DPP10: variants seen among roughly 807,000 people sequenced by gnomAD.
The protein encoded by DPP10 is inactive dipeptidyl peptidase 10.
A neutral mutation model predicts 120.9 loss-of-function variants in DPP10; 33 were observed. The ratio of observed to expected loss-of-function variants is 0.27; its 90% CI spans 0.21 to 0.37. DPP10 has a LOEUF of 0.37. Ranked by LOEUF, DPP10 falls within the 10% of genes least tolerant of loss-of-function variation. The pLI is 1.00. For missense variants in DPP10, 816 were observed against 942.8 expected (o/e 0.87, Z 1.76); for synonymous variants, 337 against 326.1 (o/e 1.03, Z -0.36).
chr2:115,711,915 G>GTTTTTTTTTTT lies in DPP10; in HGVS notation c.577-15901_577-15900insTTTTTTTTTTT, dbSNP rs1491280011. 9.3e-5 allele frequency among the ~76,000 whole-genome samples: 9 copies of GTTTTTTTTTTT among 96,986 alleles called. 4 individuals carry two copies. Among genetic ancestry groups the GTTTTTTTTTTT allele is most frequent in the Non-Finnish European group, 1.4e-4 (7 of 50,822 alleles). 63.6% of individuals were successfully genotyped at this position (96,986 alleles called of 152,430 possible). ...GAATATTGGACCTATAAAATGGTCT[G>GTTTTTTTTTTT]GTTTTTTTTTTTTTTTTTTTTTTGG... On this transcript the variant is annotated intron_variant, in intron 7 of 25. Transcript: ENST00000410059.
intron 1 of DPP10, among the ~76,000 whole-genome samples, chr2:115,226,416 C>T (rs1395258250): frequency 2.0e-5 from 3 of 152,130 alleles, no homozygotes; most frequent in Non-Finnish European, 4.4e-5. Context: ...CATTCTTGGT[C>T]AGAAAAGTTG....
At chr2:115,208,160 C>T (rs2056276573) in intron 1 of DPP10, among the ~76,000 whole-genome samples, 1 of 151,188 alleles carries the variant, frequency 6.6e-6, no homozygotes, top group Non-Finnish European at 1.5e-5. Context: ...CAATCCACAT[C>T]TCTAAGGATA....
chr2:115,584,673 A>C (rs1469525177), intron 5 of DPP10, among the ~76,000 whole-genome samples: 1 of 152,168 alleles, frequency 6.6e-6, no homozygotes, highest in Non-Finnish European at 1.5e-5. Context: ...CTGTGTGGTG[A>C]CCAACAAATC....
At chr2:115,625,961 CTT>C (rs758283251) in intron 5 of DPP10, among the ~76,000 whole-genome samples, 1 of 151,236 alleles carries the variant, frequency 6.6e-6, no homozygotes, top group Non-Finnish European at 1.5e-5. Flanking sequence ...TTTTCTCTCT[CTT>C]GAGATATCTC....
chr2:115,080,388 T>G (rs1454444492), intron 1 of DPP10, among the ~76,000 whole-genome samples: 1 of 152,182 alleles, frequency 6.6e-6, no homozygotes, highest in East Asian at 1.9e-4. Flanking sequence ...ATTTCTTCCT[T>G]GTAAGCTTGG....
intron 1 of DPP10, among the ~76,000 whole-genome samples, chr2:114,612,031 T>C (rs1693320314): frequency 6.6e-6 from 1 of 152,224 alleles, no homozygotes; most frequent in Non-Finnish European, 1.5e-5. Flanking sequence ...TCTGTTTCTC[T>C]GAAGTTGCAA....
At chr2:115,156,961 T>A (rs933462405) in intron 1 of DPP10, among the ~76,000 whole-genome samples, 3 of 152,154 alleles carry the variant, frequency 2.0e-5, no homozygotes, top group African/African-American at 4.8e-5. Context: ...TTTTTTCTTT[T>A]TTACTGTGCC....
chr2:115,697,280 C>T (rs1384517614), intron 7 of DPP10, among the ~76,000 whole-genome samples: 1 of 151,638 alleles, frequency 6.6e-6, no homozygotes, highest in Non-Finnish European at 1.5e-5. Flanking sequence ...TTAAAAGAAA[C>T]TAAGAAGATA....
At chr2:115,251,267 C>G (rs762921268) in intron 1 of DPP10, among the ~76,000 whole-genome samples, 26 of 152,130 alleles carry the variant, frequency 1.7e-4, no homozygotes, top group Non-Finnish European at 2.9e-4. Context: ...GTTTGATTGG[C>G]CTAGTTTTAT....
chr2:115,409,432 T>G (rs542611623), intron 3 of DPP10, among the ~76,000 whole-genome samples: 5 of 152,288 alleles, frequency 3.3e-5, no homozygotes, highest in Non-Finnish European at 7.4e-5. Flanking sequence ...CACTAATGAT[T>G]AGGGAAATGC....
intron 1 of DPP10, among the ~76,000 whole-genome samples, chr2:115,294,926 A>AT (rs1316983885): frequency 6.6e-6 from 1 of 152,020 alleles, no homozygotes; most frequent in Non-Finnish European, 1.5e-5. Flanking sequence ...GGTTGGTAGG[A>AT]TTTTTTCTAC....
At chr2:115,811,877 G>A (rs1219858481) in intron 19 of DPP10, among the ~76,000 whole-genome samples, 1 of 152,132 alleles carries the variant, frequency 6.6e-6, no homozygotes, top group Admixed American at 6.5e-5. Context: ...TGTACAACTA[G>A]CCGAAATTCT....
chr2:115,068,497 A>C (rs1045472261), intron 1 of DPP10, among the ~76,000 whole-genome samples: 3 of 152,158 alleles, frequency 2.0e-5, no homozygotes, highest in African/African-American at 7.2e-5. Flanking sequence ...ATGGCTTGCA[A>C]ACAATTTCTC....
At chr2:114,858,151 G>T (rs1039912507) in intron 1 of DPP10, among the ~76,000 whole-genome samples, 2 of 151,900 alleles carry the variant, frequency 1.3e-5, no homozygotes, top group East Asian at 3.9e-4. Context: ...CGCCACACTC[G>T]GCTAATTTTT....
chr2:115,236,804 C>CTT (rs56004234), intron 1 of DPP10, among the ~76,000 whole-genome samples: 86,111 of 151,872 alleles, frequency 0.57, 25,768 homozygotes, highest in Non-Finnish European at 0.67. Context: ...CTAGTTAACT[C>CTT]TGATATCCTC....
At chr2:114,576,294 G>C (rs1690042445) in intron 1 of DPP10, among the ~76,000 whole-genome samples, 1 of 152,176 alleles carries the variant, frequency 6.6e-6, no homozygotes. Context: ...TTTTTCAAGG[G>C]GCAGAGATAT....
intron 1 of DPP10, among the ~76,000 whole-genome samples, chr2:115,028,279 T>C (rs1230570368): frequency 6.6e-6 from 1 of 152,144 alleles, no homozygotes. Flanking sequence ...TAGATTTTTG[T>C]ATGTTGCATC....
chr2:115,399,391 G>A (rs1346816552), intron 3 of DPP10, among the ~76,000 whole-genome samples: 3 of 152,124 alleles, frequency 2.0e-5, no homozygotes, highest in South Asian at 2.1e-4. Flanking sequence ...TTTATAATGC[G>A]ATCGGACAAC....
chr2:115,180,546 A>C (rs561221581), intron 1 of DPP10, among the ~76,000 whole-genome samples: 1 of 152,164 alleles, frequency 6.6e-6, no homozygotes, highest in South Asian at 2.1e-4. Context: ...GATATAGGGA[A>C]GTTTAATAGG....
Sources: allele counts gnomAD v4.1 joint callset (sites outside exome capture counted in the v4.1 genomes callset), GRCh38; gene constraint gnomAD v4.1.1; transcripts MANE v1.5; gene names NCBI Gene and HGNC (gene_info 2026-07-23, HGNC 2026-07-21).